The following HIVEP3 variants were observed in gnomAD, a reference collection of about 807,000 sequenced individuals.
HIVEP3 encodes the protein transcription factor HIVEP3.
HIVEP3 carries 49 observed loss-of-function variants against 152.8 expected under a neutral mutation model. That is an observed-to-expected ratio of 0.32 (90% CI 0.26 to 0.41). The LOEUF is 0.41. HIVEP3 is among the 10% of genes least tolerant of loss of function. HIVEP3 has a pLI of 1.00. For missense variants in HIVEP3, 2,790 were observed against 3,103.3 expected, an observed-to-expected ratio of 0.90 and a Z score of 2.40; for synonymous variants, 1,269 against 1,289.0, an observed-to-expected ratio of 0.98 and a Z score of 0.33.
chr1:41,642,513 G>A lies in HIVEP3; in HGVS notation c.-720-13566C>T, dbSNP rs151037586. Among the ~76,000 whole-genome samples the A allele has an allele frequency of 3.9e-4, 60 of 152,298 alleles. 1 individual carries two copies. The highest frequency in any genetic ancestry group is 1.4e-3 in the African/African-American group (58 of 41,562). ...CTCTACTCTCTCTCTGGCCAGGAATGATCTTTCATTTAAGGATTTGATCTC... is the reference window on the plus strand; with the variant it reads ...CTCTACTCTCTCTCTGGCCAGGAATAATCTTTCATTTAAGGATTTGATCTC... On this transcript the variant is annotated intron_variant, in intron 2 of 8. Transcript: ENST00000372583.
Position 41,582,459 on chromosome 1 carries a change from G to T in HIVEP3, c.2339C>A (p.Pro780Gln), listed in dbSNP as rs1402631092. 3 of 1,613,738 alleles carry T rather than the reference G, an allele frequency of 1.9e-6. No individual in the cohort carries two copies. The highest frequency in any genetic ancestry group is 2.5e-6 in the Non-Finnish European group (3 of 1,179,740). ...CTTCCCTGATTCTGAACCGGACCCT[G>T]GCTTGGGAGTCCTTGGCTGGAAGCC... The part of the protein sequence containing the change: ...PTGFQPRTPK[P>Q]GSGSESGKER... Residue 780 changes from proline (P) to glutamine (Q), a missense_variant, in exon 4 of 9, where the codon CCA (proline) becomes CAA (glutamine). This residue lies in a region of HIVEP3 where 339 missense variants were observed against 327.0 expected (regional missense o/e 1.04). Coordinates refer to ENST00000372583, the MANE Select transcript of HIVEP3 (RefSeq NM_024503.5). The surrounding 1 kb of genome is among the most constrained non-coding windows in gnomAD (Gnocchi z 4.7).
intron 1 of HIVEP3, among the ~76,000 whole-genome samples, chr1:41,931,077 T>C (rs1570820601): frequency 6.6e-6 from 1 of 152,170 alleles, no homozygotes; most frequent in African/African-American, 2.4e-5. Flanking sequence ...CTTGTCTTTT[T>C]ATTCCCTTAA....
intron 1 of HIVEP3, among the ~76,000 whole-genome samples, chr1:41,912,300 T>C (rs776397526): frequency 1.3e-5 from 2 of 152,224 alleles, no homozygotes; most frequent in Non-Finnish European, 2.9e-5. Flanking sequence ...AATGTTATTC[T>C]TTAGACCTTT....
chr1:41,698,916 T>C (rs1450191531), intron 2 of HIVEP3, among the ~76,000 whole-genome samples: 1 of 152,180 alleles, frequency 6.6e-6, no homozygotes, highest in Non-Finnish European at 1.5e-5. Context: ...AACTTGCTCT[T>C]GTTTGGGCCC....
intron 1 of HIVEP3, among the ~76,000 whole-genome samples, chr1:41,804,379 T>A (rs892431657): frequency 3.3e-5 from 5 of 152,236 alleles, no homozygotes; most frequent in Admixed American, 1.3e-4. Flanking sequence ...ATCTGCCCAG[T>A]GCTGCAGGCA....
chr1:41,685,508 C>A, intron 2 of HIVEP3, among the ~76,000 whole-genome samples: 1 of 152,218 alleles, frequency 6.6e-6, no homozygotes, highest in East Asian at 1.9e-4. Context: ...CATTCACCCC[C>A]CTCTCCAGCC....
At chr1:41,761,580 G>C (rs1469205718) in intron 1 of HIVEP3, among the ~76,000 whole-genome samples, 1 of 152,154 alleles carries the variant, frequency 6.6e-6, no homozygotes, top group Non-Finnish European at 1.5e-5. Context: ...ATATACATGT[G>C]TGCATGTATG....
At chr1:41,635,870 A>C (rs1401418397) in intron 2 of HIVEP3, among the ~76,000 whole-genome samples, 1 of 152,194 alleles carries the variant, frequency 6.6e-6, no homozygotes, top group Admixed American at 6.5e-5. Flanking sequence ...TTTCTAGAAA[A>C]GTATAAATTG....
chr1:41,765,053 C>T (rs1429131021), intron 1 of HIVEP3, among the ~76,000 whole-genome samples: 1 of 152,222 alleles, frequency 6.6e-6, no homozygotes, highest in Non-Finnish European at 1.5e-5. Context: ...TGCACAGCAC[C>T]ATGAATTTGG....
At chr1:41,737,469 T>C (rs1203215182) in intron 1 of HIVEP3, among the ~76,000 whole-genome samples, 1 of 152,162 alleles carries the variant, frequency 6.6e-6, no homozygotes, top group Non-Finnish European at 1.5e-5. Flanking sequence ...GTTCAAAGGA[T>C]CTGCTTCCCC....
intron 1 of HIVEP3, among the ~76,000 whole-genome samples, chr1:41,859,932 G>A (rs1172565125): frequency 1.3e-5 from 2 of 152,240 alleles, no homozygotes; most frequent in African/African-American, 2.4e-5. Context: ...GTTGAGCAGG[G>A]CCAGGTGGTT....
At chr1:41,922,811 G>A (rs12086996), upstream of HIVEP3, among the ~76,000 whole-genome samples, 4 of 148,944 alleles carry the variant, frequency 2.7e-5, no homozygotes, top group South Asian at 8.6e-4. Flanking sequence ...GAAGGAGGGA[G>A]GGAAGGAAGG....
intron 5 of HIVEP3, among the ~76,000 whole-genome samples, chr1:41,548,347 C>G (rs1643854445): frequency 1.3e-5 from 2 of 152,192 alleles, no homozygotes; most frequent in Admixed American, 6.5e-5. Flanking sequence ...TGACCACATG[C>G]CTGCGCTCTT....
chr1:41,727,652 C>T (rs1570408733), intron 1 of HIVEP3, among the ~76,000 whole-genome samples: 1 of 152,336 alleles, frequency 6.6e-6, no homozygotes, highest in African/African-American at 2.4e-5. Context: ...TCAGAGGCCT[C>T]GGGGTGGAGG....
chr1:42,006,584 A>T (rs1252947948), intron 1 of HIVEP3, among the ~76,000 whole-genome samples: 4 of 133,160 alleles, frequency 3.0e-5, no homozygotes, highest in African/African-American at 1.1e-4. Flanking sequence ...AAAAAAAAAA[A>T]ACTGTGAAAA....
chr1:41,688,365 C>T (rs1300282701), intron 2 of HIVEP3, among the ~76,000 whole-genome samples: 2 of 152,210 alleles, frequency 1.3e-5, no homozygotes, highest in African/African-American at 4.8e-5. Flanking sequence ...AGAGAATGAA[C>T]GTAAATTCAG....
intron 1 of HIVEP3, among the ~76,000 whole-genome samples, chr1:41,762,553 C>T (rs1353592948): frequency 6.6e-6 from 1 of 152,184 alleles, no homozygotes; most frequent in Admixed American, 6.5e-5. Flanking sequence ...TGGGTGCCAC[C>T]GCATTCCCCT....
At chr1:41,524,967 A>G in intron 5 of HIVEP3, 57 bp from the exon 6 acceptor site, 1 of 1,494,986 alleles carries the variant, frequency 6.7e-7, no homozygotes, top group Non-Finnish European at 9.2e-7. Context: ...GCAGGTTCCC[A>G]CCTCAGAAGA....
intron 1 of HIVEP3, among the ~76,000 whole-genome samples, chr1:42,026,042 C>G (rs897732463): frequency 1.3e-5 from 2 of 151,688 alleles, no homozygotes; most frequent in Admixed American, 6.6e-5. Context: ...TGTCTGCAGC[C>G]TGGGCGACAG....
Sources: gnomAD v4.1 joint callset for allele counts (sites outside exome capture counted in the v4.1 genomes callset) on GRCh38, gnomAD v4.1.1 for gene constraint, gnomAD v4.1.1 regional missense constraint, Gnocchi (gnomAD v3.1) non-coding constraint, MANE v1.5 for transcripts, NCBI Gene and HGNC (gene_info 2026-07-23, HGNC 2026-07-21) for gene names.